The following SYT16 variants were observed in gnomAD, a reference collection of about 807,000 sequenced individuals.
SYT16 encodes synaptotagmin 16.
A neutral mutation model predicts 61.4 loss-of-function variants in SYT16; 42 were observed. The observed-to-expected ratio is 0.68, with a 90% CI of 0.53 to 0.89. The LOEUF (loss-of-function observed/expected upper bound fraction) is 0.89. SYT16 is among the 40% of genes least tolerant of loss of function. SYT16 has a pLI of 0.00. For synonymous variants in SYT16, 314 were observed against 302.3 expected (o/e 1.04, Z -0.40); for missense variants, 804 against 807.3 (o/e 1.00, Z 0.05).
Position 61,832,127 on chromosome 14 carries a change from C to T in SYT16, c.-325+19317C>T. On this transcript the variant is annotated intron_variant, in intron 1 of 7. Transcript: ENST00000683842. Reference sequence around the variant, plus strand: ...AGCTCTCCTTGAACTGAATGTGATACAACTCGACTTTCCCATCCGTGGAGC... The same window carrying T: ...AGCTCTCCTTGAACTGAATGTGATATAACTCGACTTTCCCATCCGTGGAGC... 1.1e-5 allele frequency: 8 copies of T among 721,256 alleles called. No individual in the cohort carries two copies. In the South Asian group the frequency reaches 1.1e-4, roughly 10 times the overall value. The allele number at this position is 721,256 out of a possible 1,614,324, so 44.7% of individuals were successfully genotyped here.
At chr14:61,939,090 G>A (rs562315193) in intron 1 of SYT16, among the ~76,000 whole-genome samples, 40 of 152,170 alleles carry the variant, frequency 2.6e-4, no homozygotes, top group Admixed American at 4.6e-4. Flanking sequence ...AGCTGAGATC[G>A]TGCCACTGCA....
chr14:62,075,197 A>G lies in SYT16; in HGVS notation c.799A>G (p.Ile267Val), dbSNP rs1405723206. The change falls in exon 5 of 8, where the codon ATC becomes GTC. Residue 267 changes from isoleucine (I) to valine (V), a missense_variant. Coordinates refer to ENST00000683842, the MANE Select transcript of SYT16 (RefSeq NM_001367656.1). ...ENLSYGEDDH[I>V]PAHSQSPCER... ...TCTCTCCTACGGTGAAGATGACCAC[A>G]TCCCTGCTCACTCACAGTCCCCATG... 6.2e-7 allele frequency: 1 copy of G among 1,613,260 alleles called. No homozygotes were observed. Among genetic ancestry groups the G allele is most frequent in the Non-Finnish European group, 8.5e-7 (1 of 1,179,594 alleles).
Position 61,996,746 on chromosome 14 carries a change from A to G in SYT16, c.523+204A>G, listed in dbSNP as rs192982622. ...TGGAGGATCCACGTTTGGGAGTTCC[A>G]TATTTCAAAACAATAGTTCTGAGCA... On this transcript the variant is annotated intron_variant, in intron 3 of 7. Transcript: ENST00000683842. 1.3e-4 allele frequency among the ~76,000 whole-genome samples: 20 copies of G among 152,222 alleles called. No homozygotes were observed. In the East Asian group the frequency reaches 3.7e-3, roughly 28 times the overall value.
intron 2 of SYT16, among the ~76,000 whole-genome samples, chr14:61,970,743 C>G (rs1221571379): frequency 6.6e-6 from 1 of 152,112 alleles, no homozygotes; most frequent in East Asian, 1.9e-4. Flanking sequence ...TCACTGCCTT[C>G]AATTTGATGA....
At chr14:62,020,624 G>GA (rs2053874380) in intron 3 of SYT16, among the ~76,000 whole-genome samples, 1 of 151,902 alleles carries the variant, frequency 6.6e-6, no homozygotes, top group African/African-American at 2.4e-5. Flanking sequence ...TCTCCAATTC[G>GA]TTTTCACCAG....
At chr14:61,864,426 C>T (rs2047066804) in intron 1 of SYT16, among the ~76,000 whole-genome samples, 1 of 152,368 alleles carries the variant, frequency 6.6e-6, no homozygotes, top group Non-Finnish European at 1.5e-5. Context: ...GCTGGGCGTG[C>T]ACAGACACGT....
At position 62,078,155 on chromosome 14, in the gene SYT16, C is replaced by CTCTCTATATATA. The variant is rs766089633; in HGVS notation, c.994-2678_994-2677insCTCTATATATAT. Among the ~76,000 whole-genome samples the CTCTCTATATATA allele has an allele frequency of 3.3e-4, 45 of 136,004 alleles. 1 individual carries two copies. The highest frequency in any genetic ancestry group is 1.2e-3 in the African/African-American group (41 of 34,824). The allele number at this position is 136,004 out of a possible 152,430, so 89.2% of individuals were successfully genotyped here. On this transcript the variant is annotated intron_variant, in intron 5 of 7. Transcript: ENST00000683842. ...GCTCTCTCGCTCTCTCTCTCTCTCT[C>CTCTCTATATATA]TATATATATATATATAAACACACAC...
intron 3 of SYT16, among the ~76,000 whole-genome samples, chr14:62,003,603 G>A (rs1223638882): frequency 6.6e-6 from 1 of 152,014 alleles, no homozygotes; most frequent in African/African-American, 2.4e-5. Context: ...AAGAGTGGGA[G>A]CATTATTTCC....
At chr14:61,896,014 A>G (rs2048312043) in intron 1 of SYT16, among the ~76,000 whole-genome samples, 1 of 150,870 alleles carries the variant, frequency 6.6e-6, no homozygotes, top group African/African-American at 2.4e-5. Flanking sequence ...TCATTACTGT[A>G]GTTTGTTCTT....
intron 1 of SYT16, among the ~76,000 whole-genome samples, chr14:61,845,464 T>G (rs1476013370): frequency 6.6e-6 from 1 of 152,230 alleles, no homozygotes; most frequent in Non-Finnish European, 1.5e-5. Context: ...TTCTTCTAGA[T>G]GTTTCAATTT....
chr14:62,072,471 C>T (rs995781570), intron 4 of SYT16, among the ~76,000 whole-genome samples: 3 of 152,036 alleles, frequency 2.0e-5, no homozygotes, highest in Non-Finnish European at 2.9e-5. Flanking sequence ...TACACAGCCC[C>T]CATATTTGCG....
At chr14:62,050,898 C>T (rs560144244) in intron 3 of SYT16, among the ~76,000 whole-genome samples, 1 of 152,128 alleles carries the variant, frequency 6.6e-6, no homozygotes, top group Non-Finnish European at 1.5e-5. Context: ...AGGTGACTCC[C>T]AGTTAGGCTA....
intron 1 of SYT16, among the ~76,000 whole-genome samples, chr14:61,966,606 G>T (rs928193522): frequency 5.3e-5 from 8 of 152,066 alleles, no homozygotes; most frequent in Non-Finnish European, 1.2e-4. Flanking sequence ...GTAGTGAGTT[G>T]TTTTATCTTT....
rs2141046653 is a variant in SYT16 at position 62,112,416 on chromosome 14, AAGCATT to A, written c.*11713_*11718del. The A allele has an allele frequency of 1.3e-5, 2 of 152,300 alleles. No individual in the cohort carries two copies. Among genetic ancestry groups the A allele is most frequent in the East Asian group, 3.9e-4 (2 of 5,190 alleles). The allele number at this position is 152,300 out of a possible 1,614,324, so 9.4% of individuals were successfully genotyped here. A position where few individuals can be genotyped will look rare whatever the true frequency, so the allele number is the denominator to read the frequency against. ...TTTGTTTAAAACAGAAACATAGAAG[AAGCATT>A]AGCCCCAGTTTGTATAAAATGTCTG... On this transcript the variant is annotated 3_prime_UTR_variant, in exon 8 of 8. Transcript: ENST00000683842.
Position 62,102,739 on chromosome 14 carries a change from A to G in SYT16, c.*2032A>G, listed in dbSNP as rs1275038450. The G allele has an allele frequency of 1.3e-5, 2 of 152,208 alleles. No homozygotes were observed. Among genetic ancestry groups the G allele is most frequent in the Admixed American group, 6.5e-5 (1 of 15,272 alleles). 9.4% of individuals were successfully genotyped at this position (152,208 alleles called of 1,614,324 possible). A position where few individuals can be genotyped will look rare whatever the true frequency, so the allele number is the denominator to read the frequency against. ...AAATTTACATTTGAAAAAAATCTGT[A>G]TATATTGTACAGACAGCCCTGAATT... On this transcript the variant is annotated 3_prime_UTR_variant, in exon 8 of 8. Transcript: ENST00000683842.
chr14:62,032,656 G>A (rs949745870), intron 3 of SYT16, among the ~76,000 whole-genome samples: 1 of 151,760 alleles, frequency 6.6e-6, no homozygotes, highest in Non-Finnish European at 1.5e-5. Flanking sequence ...CTCTCATCCG[G>A]AAGTTTTGGA....
intron 3 of SYT16, among the ~76,000 whole-genome samples, chr14:62,053,055 A>G (rs1392387903): frequency 6.6e-6 from 1 of 152,228 alleles, no homozygotes; most frequent in African/African-American, 2.4e-5. Flanking sequence ...TTTGAAGTAC[A>G]TGCTAGAAGA....
At chr14:62,094,766 CTG>C (rs1193867170) in intron 7 of SYT16, among the ~76,000 whole-genome samples, 1 of 151,980 alleles carries the variant, frequency 6.6e-6, no homozygotes, top group Admixed American at 6.6e-5. Flanking sequence ...ATCAGGAAGA[CTG>C]TTTTCAGGAA....
chr14:62,084,799 G>C lies in SYT16; in HGVS notation c.1624+414G>C, dbSNP rs1439657688. 3.3e-5 allele frequency among the ~76,000 whole-genome samples: 5 copies of C among 152,188 alleles called. No homozygotes were observed. The East Asian group carries it at 7.7e-4, about 23-fold the overall frequency. Reference sequence around the variant, plus strand: ...TAACCACTAGCTTTGATCTGATCCTGTGCAATTTATCCCTTTTCAGAACAC... The same window carrying C: ...TAACCACTAGCTTTGATCTGATCCTCTGCAATTTATCCCTTTTCAGAACAC... On this transcript the variant is annotated intron_variant, in intron 7 of 7. Transcript: ENST00000683842.
Sources: allele counts gnomAD v4.1 joint callset (sites outside exome capture counted in the v4.1 genomes callset), GRCh38; gene constraint gnomAD v4.1.1; transcripts MANE v1.5; gene names NCBI Gene and HGNC (gene_info 2026-07-23, HGNC 2026-07-21).